ICE1: variants seen among roughly 807,000 people sequenced by gnomAD.
ICE1 encodes the protein little elongation complex subunit 1.
Under a neutral mutation model 192.7 loss-of-function variants are expected in ICE1, and 64 were observed. That is an observed-to-expected ratio of 0.33 (90% CI 0.27 to 0.41). The LOEUF is 0.41. ICE1 is among the 10% of genes least tolerant of loss of function. ICE1 has a pLI of 1.00. For synonymous variants in ICE1, 1,010 were observed against 984.5 expected (o/e 1.03, Z -0.49); for missense variants, 2,708 against 2,696.0 (o/e 1.00, Z -0.10).
chr5:5,470,061 A>T (rs944908902), intron 15 of ICE1, among the ~76,000 whole-genome samples: 4 of 151,938 alleles, frequency 2.6e-5, no homozygotes, highest in Admixed American at 6.6e-5. Flanking sequence ...CCAGAGAATT[A>T]CCTGCCTCTG....
intron 1 of ICE1, among the ~76,000 whole-genome samples, chr5:5,431,325 G>A (rs1310443374): frequency 6.6e-6 from 1 of 152,176 alleles, no homozygotes; most frequent in Non-Finnish European, 1.5e-5. Context: ...GTCTCTGCCA[G>A]TTTGGTATAA....
At chr5:5,474,262 G>C (rs1464054195) in intron 16 of ICE1, among the ~76,000 whole-genome samples, 1 of 150,542 alleles carries the variant, frequency 6.6e-6, no homozygotes, top group Non-Finnish European at 1.5e-5. Flanking sequence ...ACATTTTCTT[G>C]CTTTATTTTT....
At chr5:5,471,700 A>G (rs1739160303) in intron 15 of ICE1, among the ~76,000 whole-genome samples, 1 of 152,202 alleles carries the variant, frequency 6.6e-6, no homozygotes, top group African/African-American at 2.4e-5. Context: ...TAGGAAATGA[A>G]GGAAACTTAT....
intron 9 of ICE1, 26 bp downstream of exon 9, chr5:5,447,786 A>G: frequency 1.3e-6 from 2 of 1,574,604 alleles, no homozygotes; most frequent in Non-Finnish European, 1.7e-6. Flanking sequence ...ATGCTTACAT[A>G]AATTTATTTT....
intron 15 of ICE1, among the ~76,000 whole-genome samples, chr5:5,472,410 A>G (rs927804831): frequency 2.0e-5 from 3 of 152,234 alleles, no homozygotes; most frequent in African/African-American, 4.8e-5. Flanking sequence ...CGTGTATTGT[A>G]TACATGCAGA....
At chr5:5,439,378 C>G (rs1215648460) in intron 3 of ICE1, among the ~76,000 whole-genome samples, 2 of 152,056 alleles carry the variant, frequency 1.3e-5, no homozygotes, top group Admixed American at 6.6e-5. Context: ...GAATATTTTA[C>G]TAGCAGTATG....
intron 1 of ICE1, among the ~76,000 whole-genome samples, chr5:5,424,068 A>G (rs1314524658): frequency 6.6e-6 from 1 of 152,136 alleles, no homozygotes; most frequent in African/African-American, 2.4e-5. Context: ...GGATAGAGGG[A>G]TTAACAGGTG....
chr5:5,486,995 G>A (rs1739654942), intron 18 of ICE1, among the ~76,000 whole-genome samples, 176 bp downstream of exon 18: 1 of 152,134 alleles, frequency 6.6e-6, no homozygotes, highest in African/African-American at 2.4e-5. Context: ...GGATTTTGTG[G>A]TGGTATTTGA....
At chr5:5,480,386 A>G (rs988347874) in intron 17 of ICE1, among the ~76,000 whole-genome samples, 3 of 151,152 alleles carry the variant, frequency 2.0e-5, no homozygotes, top group Non-Finnish European at 4.4e-5. Context: ...AGTAGCTGGG[A>G]CTACAGGCGC....
At chr5:5,437,198 T>C (rs1372624675) in intron 3 of ICE1, 84 bp downstream of exon 3, 6 of 1,063,200 alleles carry the variant, frequency 5.6e-6, no homozygotes, top group African/African-American at 3.2e-5. Context: ...TTGTTCCTCA[T>C]AGGCCTTCTG....
chr5:5,484,570 C>T (rs1371702744), intron 17 of ICE1, among the ~76,000 whole-genome samples: 1 of 152,140 alleles, frequency 6.6e-6, no homozygotes, highest in Non-Finnish European at 1.5e-5. Context: ...CCTAGGCTCC[C>T]TAGAAATTAT....
intron 15 of ICE1, 32 bp downstream of exon 15, chr5:5,469,020 T>C (rs1184003476): frequency 1.5e-6 from 2 of 1,360,648 alleles, no homozygotes; most frequent in Non-Finnish European, 2.0e-6. Flanking sequence ...TACAGTATCT[T>C]ACTTTTAGAT....
chr5:5,435,764 G>A (rs981208522), intron 1 of ICE1, among the ~76,000 whole-genome samples: 5 of 146,954 alleles, frequency 3.4e-5, no homozygotes, highest in African/African-American at 1.3e-4. Context: ...CCGCCTCTCA[G>A]GTTCAAGTGA....
At chr5:5,458,259 T>A (rs961122282) in intron 12 of ICE1, among the ~76,000 whole-genome samples, 1 of 152,242 alleles carries the variant, frequency 6.6e-6, no homozygotes, top group African/African-American at 2.4e-5. Flanking sequence ...GGAACAGATA[T>A]GTGTTTTGCT....
rs1738923632 is a variant in ICE1 at position 5,464,673 on chromosome 5, C to T, written c.5339C>T (p.Pro1780Leu). ...AATATTCAACTCACACGAGGTCCGCCTGCTGACTGTAAGAATTTACCGGGA... is the reference window on the plus strand; with the variant it reads ...AATATTCAACTCACACGAGGTCCGCTTGCTGACTGTAAGAATTTACCGGGA... ...KGNIQLTRGP[P>L]ADCKNLPGPA... Residue 1780 changes from proline (P) to leucine (L), a missense_variant, in exon 13 of 19, where the codon CCT becomes CTT. Coordinates refer to ENST00000296564, the MANE Select transcript of ICE1 (RefSeq NM_015325.3). This position sits in a 1 kb window ranked among gnomAD's most constrained non-coding sequence, Gnocchi z 4.0. 6.2e-7 allele frequency: 1 copy of T among 1,613,906 alleles called. No homozygotes were observed. Among genetic ancestry groups the T allele is most frequent in the East Asian group, 2.2e-5 (1 of 44,864 alleles).
chr5:5,423,748 TTTAAC>T (rs1205594530), intron 1 of ICE1, among the ~76,000 whole-genome samples: 1 of 152,178 alleles, frequency 6.6e-6, no homozygotes, highest in Non-Finnish European at 1.5e-5. Flanking sequence ...GGGGGTCTCT[TTTAAC>T]TTCCTACTAT....
rs1269044270 is a variant in ICE1, at chr5:5,462,959, G to A, written c.3625G>A (p.Glu1209Lys). 68 of 1,612,636 alleles carry A rather than the reference G, an allele frequency of 4.2e-5. No homozygotes were observed. Among genetic ancestry groups the A allele is most frequent in the Non-Finnish European group, 5.6e-5 (66 of 1,179,336 alleles). ...KGTLSKEMNK[E>K]LKASEIGEKY... ...AACCCTAAGTAAAGAAATGAACAAA[G>A]AATTAAAGGCAAGTGAAATAGGAGA... Residue 1209 changes from glutamate to lysine, a missense_variant, in exon 13 of 19, where the codon GAA (glutamate) becomes AAA (lysine). Around this residue, in one of 2 missense-constraint regions of ICE1, gnomAD observed 2,366 missense variants for 2,276.6 expected, o/e 1.04. Transcript: ENST00000296564.
chr5:5,467,137 A>G (rs1325088027), intron 14 of ICE1, among the ~76,000 whole-genome samples: 1 of 152,226 alleles, frequency 6.6e-6, no homozygotes, highest in African/African-American at 2.4e-5. Context: ...ATAATTGAGT[A>G]TATCCATCAC....
At chr5:5,465,378 A>C (rs562597500) in intron 13 of ICE1, among the ~76,000 whole-genome samples, 152 bp downstream of exon 13, 1 of 152,346 alleles carries the variant, frequency 6.6e-6, no homozygotes, top group South Asian at 2.1e-4. Context: ...CTATATTTCT[A>C]GCCAGCATTT....
Sources: gnomAD v4.1 joint callset for allele counts (sites outside exome capture counted in the v4.1 genomes callset) on GRCh38, gnomAD v4.1.1 for gene constraint, gnomAD v4.1.1 regional missense constraint, Gnocchi (gnomAD v3.1) non-coding constraint, MANE v1.5 for transcripts, NCBI Gene and HGNC (gene_info 2026-07-23, HGNC 2026-07-21) for gene names.